PMP22: variants seen among roughly 807,000 people sequenced by gnomAD.
PMP22 encodes Charcot-Marie-Tooth neuropathy 1A (greatly reduced nerve conduction velocity, hereditary motor sensory neuropathy Ia).
Under a neutral mutation model 18.9 loss-of-function variants are expected in PMP22, and 2 were observed. The observed-to-expected ratio is 0.11, with a 90% CI of 0.04 to 0.33. The LOEUF (loss-of-function observed/expected upper bound fraction) is 0.33, where lower values mean the gene tolerates loss of function less well. PMP22 is among the 10% of genes least tolerant of loss of function. PMP22 has a pLI of 1.00. For synonymous variants in PMP22, 95 were observed against 89.2 expected (o/e 1.07, Z -0.37); for missense variants, 169 against 202.2 (o/e 0.84, Z 1.00).
chr17:15,242,397 T>G (rs1407355465), intron 3 of PMP22, among the ~76,000 whole-genome samples: 1 of 150,624 alleles, frequency 6.6e-6, no homozygotes, highest in Non-Finnish European at 1.5e-5. Flanking sequence ...AGAAGATAAA[T>G]TAATAATAAA....
intron 3 of PMP22, among the ~76,000 whole-genome samples, chr17:15,245,076 G>A (rs1234967023): frequency 6.6e-6 from 1 of 152,038 alleles, no homozygotes; most frequent in Non-Finnish European, 1.5e-5. Context: ...TTGATCAAAA[G>A]CTACACAAGG....
intron 4 of PMP22, among the ~76,000 whole-genome samples, chr17:15,239,059 C>T (rs1907058223): frequency 6.6e-6 from 1 of 152,196 alleles, no homozygotes; most frequent in Non-Finnish European, 1.5e-5. Flanking sequence ...TAGTTCTTAG[C>T]ACATCAGGGC....
At chr17:15,256,852 G>A (rs149182807) in intron 3 of PMP22, among the ~76,000 whole-genome samples, 8 of 152,108 alleles carry the variant, frequency 5.3e-5, no homozygotes, top group Non-Finnish European at 1.2e-4. Context: ...TGGAGGATTC[G>A]CCACTTAAGG....
chr17:15,259,157 A>G lies in PMP22; in HGVS notation c.115T>C (p.Trp39Arg). The change falls in exon 3 of 5, where the codon TGG becomes CGG. Residue 39 changes from tryptophan (W) to arginine (R), a missense_variant. Trp to Arg is a moderately radical substitution (Grantham distance 101). Transcript: ENST00000312280. ...GAGGAAGAGGTGCTACAGTTCTGCC[A>G]GAGATCAGTTGCGTGTCCATTGCCC... is the stretch of plus-strand genomic sequence containing the variant. ...IVGNGHATDLWQNCSTSSSGN... is the reference protein window; with the variant it reads ...IVGNGHATDLRQNCSTSSSGN... 1 of 1,613,982 alleles carries G rather than the reference A, an allele frequency of 6.2e-7. No homozygotes were observed. The highest frequency in any genetic ancestry group is 1.3e-5 in the African/African-American group (1 of 75,040).
At chr17:15,237,329 G>T (rs1906901822) in intron 4 of PMP22, among the ~76,000 whole-genome samples, 1 of 152,196 alleles carries the variant, frequency 6.6e-6, no homozygotes, top group Non-Finnish European at 1.5e-5. Context: ...TTGCTAAAAA[G>T]ACATTGTTAA....
intron 3 of PMP22, among the ~76,000 whole-genome samples, chr17:15,247,962 C>CTCCCA (rs1464118634): frequency 1.3e-5 from 2 of 152,218 alleles, no homozygotes; most frequent in Non-Finnish European, 2.9e-5. Flanking sequence ...ACGCCCAAAC[C>CTCCCA]TCCCAACCCA....
intron 4 of PMP22, among the ~76,000 whole-genome samples, chr17:15,231,681 G>C (rs1258697468): frequency 6.6e-6 from 1 of 152,168 alleles, no homozygotes; most frequent in East Asian, 1.9e-4. Flanking sequence ...GAAAAAGAAA[G>C]TGAGGAATAA....
At chr17:15,249,250 C>T (rs1421178994) in intron 3 of PMP22, among the ~76,000 whole-genome samples, 1 of 152,142 alleles carries the variant, frequency 6.6e-6, no homozygotes, top group African/African-American at 2.4e-5. Context: ...ACAATTACAT[C>T]CTGAACATGA....
rs1240600731 is a variant in PMP22 at position 15,260,721 on chromosome 17, G to C, written c.7C>G (p.Leu3Val). 6.4e-7 allele frequency: 1 copy of C among 1,552,828 alleles called. No individual in the cohort carries two copies. The highest frequency in any genetic ancestry group is 8.7e-7 in the Non-Finnish European group (1 of 1,147,518). Reference sequence around the variant, plus strand: ...AGGACGATGATACTCAGCAACAGGAGGAGCATTCTGGCGGCAAGTTCTGCT... The same window carrying C: ...AGGACGATGATACTCAGCAACAGGACGAGCATTCTGGCGGCAAGTTCTGCT... ML[L>V]LLLSIIVLHV... is the part of the protein sequence containing the mutation. The change falls in exon 2 of 5, where the codon CTC becomes GTC. Residue 3 changes from leucine (L) to valine (V), a missense_variant. Coordinates refer to ENST00000312280, the MANE Select transcript of PMP22 (RefSeq NM_000304.4).
chr17:15,237,775 A>T (rs1166790435), intron 4 of PMP22, among the ~76,000 whole-genome samples: 2 of 152,150 alleles, frequency 1.3e-5, no homozygotes, highest in African/African-American at 2.4e-5. Context: ...ATAAAATGTA[A>T]TTTTTTTCAC....
chr17:15,246,533 G>A (rs1907832841), intron 3 of PMP22, among the ~76,000 whole-genome samples: 1 of 152,222 alleles, frequency 6.6e-6, no homozygotes, highest in Non-Finnish European at 1.5e-5. Context: ...CAAACCTAGT[G>A]TGACACCAAC....
chr17:15,242,251 C>T (rs1302966328), intron 3 of PMP22, among the ~76,000 whole-genome samples: 1 of 54,778 alleles, frequency 1.8e-5, no homozygotes, highest in Non-Finnish European at 3.5e-5. Flanking sequence ...GACTCTGTCT[C>T]AAAAAAAAAA....
At chr17:15,235,156 G>A (rs905942010) in intron 4 of PMP22, 7 of 715,180 alleles carry the variant, frequency 9.8e-6, no homozygotes, top group African/African-American at 3.5e-5. Flanking sequence ...TAGCTATATT[G>A]ATCTTTCTAT....
In PMP22 at chr17:15,260,668, G is replaced by A. The variant is rs1436741083; in HGVS notation, c.60C>T (p.Phe20=). The A allele has an allele frequency of 5.8e-6, 9 of 1,552,686 alleles. No individual in the cohort carries two copies. The South Asian group carries it at 1.1e-4, about 18-fold the overall frequency. ...VLHVAVLVLL[F]VSTIVSQWIV... ...CACTCACGCTGACGATCGTGGAGAC[G>A]AACAGCAGCACCAGCACCGCGACGT... The change falls in exon 2 of 5, where the codon TTC becomes TTT. Residue 20 remains phenylalanine (F), a synonymous_variant. Transcript: ENST00000312280.
At chr17:15,257,838 G>A (rs562001407) in intron 3 of PMP22, among the ~76,000 whole-genome samples, 1 of 152,104 alleles carries the variant, frequency 6.6e-6, no homozygotes, top group Non-Finnish European at 1.5e-5. Context: ...CATAAAGCAG[G>A]GTTTTCTACT....
intron 2 of PMP22, 184 bp downstream of exon 2, chr17:15,260,466 C>T: frequency 1.5e-6 from 1 of 665,494 alleles, no homozygotes; most frequent in Non-Finnish European, 2.7e-6. Flanking sequence ...TGGTTCCTAT[C>T]ACTGAATCTG....
Position 15,265,159 on chromosome 17 carries a change from C to T in PMP22, c.-40G>A, listed in dbSNP as rs1597641427. ...AGTTTGCCAATAAAACTCACCCGGC[C>T]AAACAGCGTAACCCCTTCTTCCAAG... On this transcript the variant is annotated 5_prime_UTR_variant, in exon 1 of 5. Transcript: ENST00000312280. The T allele has an allele frequency of 1.3e-5, 2 of 152,156 alleles. No individual in the cohort carries two copies. Among genetic ancestry groups the T allele is most frequent in the East Asian group, 3.9e-4 (2 of 5,162 alleles). The allele number at this position is 152,156 out of a possible 1,614,324, so 9.4% of individuals were successfully genotyped here. A position where few individuals can be genotyped will look rare whatever the true frequency, so the allele number is the denominator to read the frequency against.
intron 1 of PMP22, 75 bp from the exon 2 acceptor site, chr17:15,260,836 C>A: frequency 9.7e-7 from 1 of 1,025,966 alleles, no homozygotes; most frequent in Non-Finnish European, 1.5e-6. Flanking sequence ...GGGAGGGTCC[C>A]GCGCACTAGC....
At chr17:15,249,136 T>C (rs1315474381) in intron 3 of PMP22, among the ~76,000 whole-genome samples, 1 of 152,120 alleles carries the variant, frequency 6.6e-6, no homozygotes, top group African/African-American at 2.4e-5. Context: ...CCAATGCCCG[T>C]TTACAAGCAC....
Sources: gnomAD v4.1 joint callset for allele counts (sites outside exome capture counted in the v4.1 genomes callset) on GRCh38, gnomAD v4.1.1 for gene constraint, MANE v1.5 for transcripts, NCBI Gene and HGNC (gene_info 2026-07-23, HGNC 2026-07-21) for gene names.